Variants in FNBP1L observed in about 807,000 individuals in gnomAD.
FNBP1L encodes the protein formin-binding protein 1-like.
In FNBP1L, 36 loss-of-function variants were observed where a neutral mutation model predicts 91.2. The observed-to-expected ratio is 0.39, with a 90% CI of 0.30 to 0.52. The LOEUF (loss-of-function observed/expected upper bound fraction) is 0.52, where lower values mean the gene tolerates loss of function less well. Ranked by LOEUF, FNBP1L falls within the 20% of genes least tolerant of loss-of-function variation. The pLI, the probability that FNBP1L is intolerant of heterozygous loss-of-function variation, is 0.66. For synonymous variants in FNBP1L, 242 were observed against 237.0 expected, an observed-to-expected ratio of 1.02 and a Z score of -0.19; for missense variants, 571 against 732.1, an observed-to-expected ratio of 0.78 and a Z score of 2.54.
chr1:93,532,985 G>C lies in FNBP1L; in HGVS notation c.703G>C (p.Asp235His). 1.2e-6 allele frequency: 2 copies of C among 1,613,408 alleles called. No homozygotes were observed. Among genetic ancestry groups the C allele is most frequent in the East Asian group, 2.2e-5 (1 of 44,816 alleles). Residue 235 changes from aspartate to histidine, a missense_variant, in exon 8 of 17, where the codon GAC becomes CAC. Physicochemically the swap from Asp to His is moderately conservative, Grantham distance 81. Around this residue, in one of 5 missense-constraint regions of FNBP1L, gnomAD observed 220 missense variants for 313.6 expected, o/e 0.70. Transcript: ENST00000271234. ...CAGTGAGTGTTACAGAGGATTTGCT[G>C]ACTCAGAACGCAAAGTTATTCCCAT... is the stretch of plus-strand genomic sequence containing the variant. ...KLSECYRGFA[D>H]SERKVIPIIS...
intron 1 of FNBP1L, among the ~76,000 whole-genome samples, chr1:93,479,343 A>G (rs1307946490): frequency 1.3e-5 from 2 of 152,218 alleles, no homozygotes; most frequent in Non-Finnish European, 2.9e-5. Flanking sequence ...TAACAAGGCA[A>G]AGGGCAAAAT....
chr1:93,534,810 A>G lies in FNBP1L; in HGVS notation c.892A>G (p.Thr298Ala). ...TATATATAGAACCATTTCTGATGGG[A>G]CTATCAGTGCATCCAAACAGGAGAG... ...QHIYRTISDG[T>A]ISASKQESGK... The change falls in exon 9 of 17, where the codon ACT (threonine) becomes GCT (alanine). Residue 298 changes from threonine (T) to alanine (A), a missense_variant. Thr to Ala is a moderately conservative substitution (Grantham distance 58, BLOSUM62 0). Around this residue, in one of 5 missense-constraint regions of FNBP1L, gnomAD observed 150 missense variants for 155.9 expected, o/e 0.96. Coordinates refer to ENST00000271234, the MANE Select transcript of FNBP1L (RefSeq NM_001164473.3). 3 of 1,574,532 alleles carry G rather than the reference A, an allele frequency of 1.9e-6. No homozygotes were observed. The highest frequency in any genetic ancestry group is 2.6e-6 in the Non-Finnish European group (3 of 1,158,390).
rs375795029 is a variant in FNBP1L, at chr1:93,499,486, G to A, written c.43G>A (p.Asp15Asn). 2.5e-6 allele frequency: 4 copies of A among 1,596,554 alleles called. No homozygotes were observed. In the African/African-American group the frequency reaches 5.4e-5, roughly 21 times the overall value. Reference protein sequence around the residue: ...TELWDQFDSLDKHTQWGIDFL... With the variant: ...TELWDQFDSLNKHTQWGIDFL... ...TTTCCAGGATCAGTTCGACAGCTTAGACAAGCATACACAATGGGGAATTGA... is the reference window on the plus strand; with the variant it reads ...TTTCCAGGATCAGTTCGACAGCTTAAACAAGCATACACAATGGGGAATTGA... Residue 15 changes from aspartate (D) to asparagine (N), a missense_variant, in exon 2 of 17, where the codon GAC becomes AAC. By Grantham distance (23) the Asp-to-Asn change is conservative. Transcript: ENST00000271234.
At chr1:93,517,951 T>C (rs951688580) in intron 2 of FNBP1L, among the ~76,000 whole-genome samples, 5 of 152,226 alleles carry the variant, frequency 3.3e-5, no homozygotes, top group Admixed American at 2.6e-4. Flanking sequence ...TAATATCTGC[T>C]TGCAGTTGTT....
intron 1 of FNBP1L, among the ~76,000 whole-genome samples, chr1:93,485,939 C>A (rs1253005564): frequency 6.6e-6 from 1 of 152,196 alleles, no homozygotes; most frequent in Non-Finnish European, 1.5e-5. Flanking sequence ...ACCTTGTGAT[C>A]TGCCTGCCTC....
chr1:93,460,978 G>A (rs1668840579), intron 1 of FNBP1L, among the ~76,000 whole-genome samples: 1 of 151,994 alleles, frequency 6.6e-6, no homozygotes. Flanking sequence ...TTTATGTTTA[G>A]TTTTCTTATC....
chr1:93,477,473 T>C (rs1669537753), intron 1 of FNBP1L, among the ~76,000 whole-genome samples: 1 of 152,182 alleles, frequency 6.6e-6, no homozygotes, highest in Admixed American at 6.5e-5. Flanking sequence ...GGTAGAAAAA[T>C]GTGTTAATCT....
rs541238410 is a variant in FNBP1L at position 93,535,406 on chromosome 1, TCTTAA to T, written c.990+502_990+506del. Among the ~76,000 whole-genome samples the T allele has an allele frequency of 1.5e-3, 227 of 152,256 alleles. 1 individual carries two copies. Among genetic ancestry groups the T allele is most frequent in the South Asian group, 3.1e-3 (15 of 4,826 alleles). On this transcript the variant is annotated intron_variant, in intron 9 of 16. Transcript: ENST00000271234. ...TTCTAGTTTGGTAAGAGAATCTCAC[TCTTAA>T]CTTCTTGTTAGAACCCACCTTCTGA... is the stretch of plus-strand genomic sequence containing the variant.
chr1:93,540,942 A>G, intron 10 of FNBP1L, 100 bp from the exon 11 acceptor site: 5 of 1,044,972 alleles, frequency 4.8e-6, no homozygotes, highest in Non-Finnish European at 6.9e-6. Context: ...TACGTGATTT[A>G]TTTTAGTATT....
chr1:93,467,482 G>C (rs1223938057), intron 1 of FNBP1L, among the ~76,000 whole-genome samples: 1 of 152,184 alleles, frequency 6.6e-6, no homozygotes, highest in Non-Finnish European at 1.5e-5. Context: ...GGGAATAGGG[G>C]TTGGCAGGAA....
chr1:93,512,635 A>G (rs1488259353), intron 2 of FNBP1L, among the ~76,000 whole-genome samples: 1 of 149,602 alleles, frequency 6.7e-6, no homozygotes, highest in African/African-American at 2.4e-5. Flanking sequence ...AAACCGCTCA[A>G]CTACATGGAA....
chr1:93,505,485 A>G (rs949442148), intron 2 of FNBP1L, among the ~76,000 whole-genome samples: 4 of 152,182 alleles, frequency 2.6e-5, no homozygotes, highest in Admixed American at 6.5e-5. Context: ...GGAAGGAGGA[A>G]GTAACTTGTG....
Position 93,554,172 on chromosome 1 carries a change from G to T in FNBP1L, c.*1756G>T, listed in dbSNP as rs1210089317. 6.6e-6 allele frequency: 1 copy of T among 152,608 alleles called. No individual in the cohort carries two copies. Among genetic ancestry groups the T allele is most frequent in the Non-Finnish European group, 1.5e-5 (1 of 68,046 alleles). The allele number at this position is 152,608 out of a possible 1,614,324, so 9.5% of individuals were successfully genotyped here. A position where few individuals can be genotyped will look rare whatever the true frequency, so the allele number is the denominator to read the frequency against. ...TATTTATATAATGTGACATTATTCA[G>T]TACTGACAGACTACATGAAGTAGTT... On this transcript the variant is annotated 3_prime_UTR_variant, in exon 17 of 17. Transcript: ENST00000271234.
At chr1:93,512,481 A>G (rs1479431258) in intron 2 of FNBP1L, among the ~76,000 whole-genome samples, 2 of 152,052 alleles carry the variant, frequency 1.3e-5, no homozygotes, top group African/African-American at 4.8e-5. Flanking sequence ...TTTTTTCAGC[A>G]CCACACCACA....
At chr1:93,550,835 TC>T in intron 15 of FNBP1L, 111 bp from the exon 16 acceptor site, 2 of 1,058,092 alleles carry the variant, frequency 1.9e-6, no homozygotes, top group South Asian at 2.4e-5. Flanking sequence ...AGTCAGTAGT[TC>T]CAGGTACATT....
At chr1:93,541,379 T>C (rs1472214097) in intron 11 of FNBP1L, among the ~76,000 whole-genome samples, 1 of 152,154 alleles carries the variant, frequency 6.6e-6, no homozygotes, top group Non-Finnish European at 1.5e-5. Flanking sequence ...AGAAGGAAAA[T>C]TTAGCAAATA....
In FNBP1L at chr1:93,532,930, A is replaced by G. The variant is rs761233097; in HGVS notation, c.648A>G (p.Gln216=). Residue 216 remains glutamine, a synonymous_variant, in exon 8 of 17, where the codon CAA becomes CAG. Coordinates refer to ENST00000271234, the MANE Select transcript of FNBP1L (RefSeq NM_001164473.3). The part of the protein sequence containing the change: ...VVIPQIYKQL[Q]EMDERRTIKL... ...AAATTCTTGATTATTAGCAACTACA[A>G]GAAATGGACGAACGAAGGACTATTA... 8.2e-6 allele frequency: 13 copies of G among 1,592,128 alleles called. No individual in the cohort carries two copies. The highest frequency in any genetic ancestry group is 1.1e-5 in the Non-Finnish European group (13 of 1,170,164).
At chr1:93,518,326 A>G (rs1272077889) in intron 2 of FNBP1L, among the ~76,000 whole-genome samples, 2 of 152,180 alleles carry the variant, frequency 1.3e-5, no homozygotes, top group Admixed American at 6.5e-5. Context: ...TATGGTTTCA[A>G]GATATTACGG....
chr1:93,484,069 C>T (rs1421118118), intron 1 of FNBP1L, among the ~76,000 whole-genome samples: 2 of 152,218 alleles, frequency 1.3e-5, no homozygotes, highest in Non-Finnish European at 2.9e-5. Context: ...GCTGGGACTA[C>T]AGGCGTGCGC....
Sources: allele counts gnomAD v4.1 joint callset (sites outside exome capture counted in the v4.1 genomes callset), GRCh38; gene constraint gnomAD v4.1.1; regional missense constraint gnomAD v4.1.1; transcripts MANE v1.5; gene names NCBI Gene and HGNC (gene_info 2026-07-23, HGNC 2026-07-21).